The following GPC6 variants were observed in gnomAD, a reference collection of about 807,000 sequenced individuals.
The protein encoded by GPC6 is glypican 6, also known as glypican-6.
In GPC6, 14 loss-of-function variants were observed where a neutral mutation model predicts 55.2. The observed-to-expected ratio is 0.25, with a 90% CI of 0.17 to 0.40. The LOEUF (loss-of-function observed/expected upper bound fraction) is 0.40. GPC6 is among the 10% of genes least tolerant of loss of function. The pLI, the probability that GPC6 is intolerant of heterozygous loss-of-function variation, is 1.00. For synonymous variants in GPC6, 278 were observed against 259.6 expected, an observed-to-expected ratio of 1.07 and a Z score of -0.68; for missense variants, 641 against 708.5, an observed-to-expected ratio of 0.90 and a Z score of 1.08.
chr13:93,897,625 C>A (rs1034002777), intron 3 of GPC6, among the ~76,000 whole-genome samples: 1 of 152,090 alleles, frequency 6.6e-6, no homozygotes, highest in South Asian at 2.1e-4. Context: ...AAGCATACAT[C>A]CATGTGCCCC....
intron 1 of GPC6, among the ~76,000 whole-genome samples, chr13:93,375,235 A>C (rs962862624): frequency 6.6e-6 from 1 of 152,214 alleles, no homozygotes. Context: ...AAGACCAAAC[A>C]AAACAATGGC....
intron 6 of GPC6, among the ~76,000 whole-genome samples, chr13:94,322,174 A>AGTCT (rs1876863316): frequency 2.0e-5 from 3 of 152,160 alleles, no homozygotes; most frequent in Non-Finnish European, 4.4e-5. Context: ...AAGTCTCATG[A>AGTCT]GATCTGATGG....
intron 4 of GPC6, among the ~76,000 whole-genome samples, chr13:94,042,887 A>G (rs1883591230): frequency 6.6e-6 from 1 of 151,812 alleles, no homozygotes; most frequent in Non-Finnish European, 1.5e-5. Context: ...TTCCCCCGAA[A>G]AAGTGGATCT....
At chr13:93,463,588 A>C (rs1242401369) in intron 1 of GPC6, among the ~76,000 whole-genome samples, 1 of 152,132 alleles carries the variant, frequency 6.6e-6, no homozygotes, top group Non-Finnish European at 1.5e-5. Context: ...TAGGTATCTC[A>C]TTAGTAATTT....
intron 4 of GPC6, among the ~76,000 whole-genome samples, chr13:94,192,518 T>G (rs530905722): frequency 6.6e-6 from 1 of 152,238 alleles, no homozygotes; most frequent in Admixed American, 6.5e-5. Context: ...ATATGCCAGA[T>G]CTCCCCTAAA....
chr13:94,234,386 C>G lies in GPC6; in HGVS notation c.878-51963C>G, dbSNP rs148428580. On this transcript the variant is annotated intron_variant, in intron 4 of 8. Transcript: ENST00000377047. ...CACAAAATTCTCATGGAATCAGACA[C>G]CAGACCACCTCATGATCACTGGAAG... Among the ~76,000 whole-genome samples the G allele has an allele frequency of 2.0e-5, 3 of 152,134 alleles. No homozygotes were observed. In the East Asian group the frequency reaches 5.8e-4, roughly 29 times the overall value.
At chr13:93,590,811 G>C (rs1469242709) in intron 2 of GPC6, among the ~76,000 whole-genome samples, 1 of 152,004 alleles carries the variant, frequency 6.6e-6, no homozygotes, top group African/African-American at 2.4e-5. Flanking sequence ...CAATTCTTCA[G>C]AATTGTATCA....
intron 3 of GPC6, among the ~76,000 whole-genome samples, chr13:94,003,060 T>C (rs1300655228): frequency 6.6e-6 from 1 of 152,216 alleles, no homozygotes; most frequent in Non-Finnish European, 1.5e-5. Context: ...AATTCGCATC[T>C]AGCTGTGAAT....
Position 94,166,182 on chromosome 13 carries a change from G to A in GPC6, c.878-120167G>A, listed in dbSNP as rs80077925. Among the ~76,000 whole-genome samples, 998 of 152,176 alleles carry A rather than the reference G, an allele frequency of 6.6e-3. 8 individuals carry two copies. The highest frequency in any genetic ancestry group is 0.023 in the African/African-American group (948 of 41,514). ...CCCTTGGTTATCGTCATCCCATGTC[G>A]AACTTTGTGATTTCACACTTCATAA... On this transcript the variant is annotated intron_variant, in intron 4 of 8. Transcript: ENST00000377047.
intron 6 of GPC6, among the ~76,000 whole-genome samples, chr13:94,317,387 C>T (rs1323017178): frequency 6.6e-6 from 1 of 152,120 alleles, no homozygotes; most frequent in Non-Finnish European, 1.5e-5. Context: ...TTTGCAGCTC[C>T]TTGAATGCTA....
chr13:93,364,696 T>TATATAC (rs1555294091), intron 1 of GPC6, among the ~76,000 whole-genome samples: 2 of 145,816 alleles, frequency 1.4e-5, no homozygotes, highest in Non-Finnish European at 3.0e-5. Flanking sequence ...TATATATATA[T>TATATAC]ACACACACAC....
chr13:93,895,222 A>C, intron 3 of GPC6, among the ~76,000 whole-genome samples: 1 of 53,594 alleles, frequency 1.9e-5, no homozygotes, highest in South Asian at 7.4e-4. Context: ...GTGTGTATGT[A>C]TGTGTGTGTG....
chr13:94,052,407 A>G (rs1594697504), intron 4 of GPC6, among the ~76,000 whole-genome samples: 1 of 152,150 alleles, frequency 6.6e-6, no homozygotes, highest in Non-Finnish European at 1.5e-5. Flanking sequence ...GAAAATGCCT[A>G]ACGGTATCAT....
At chr13:93,342,209 AG>A (rs1464385703) in intron 1 of GPC6, among the ~76,000 whole-genome samples, 1 of 152,174 alleles carries the variant, frequency 6.6e-6, no homozygotes, top group African/African-American at 2.4e-5. Flanking sequence ...TTAGGGACAC[AG>A]GGTTAAACTG....
At chr13:93,338,591 C>T (rs1018759254) in intron 1 of GPC6, among the ~76,000 whole-genome samples, 1 of 152,110 alleles carries the variant, frequency 6.6e-6, no homozygotes, top group African/African-American at 2.4e-5. Context: ...AGAAAGTAGG[C>T]TGAGAAGAAA....
chr13:94,126,532 T>G (rs1309647787), intron 4 of GPC6, among the ~76,000 whole-genome samples: 1 of 152,180 alleles, frequency 6.6e-6, no homozygotes. Context: ...GAACTGCCAA[T>G]TTGTTTTCAA....
At chr13:94,139,344 G>A (rs1887292354) in intron 4 of GPC6, among the ~76,000 whole-genome samples, 1 of 152,084 alleles carries the variant, frequency 6.6e-6, no homozygotes, top group Admixed American at 6.6e-5. Context: ...GTTCAGAAAG[G>A]AACTACAAAG....
intron 3 of GPC6, among the ~76,000 whole-genome samples, chr13:93,944,397 G>A (rs1566615805): frequency 6.6e-6 from 1 of 151,878 alleles, no homozygotes; most frequent in African/African-American, 2.4e-5. Flanking sequence ...GTAGAGACGG[G>A]GTTTCACTGT....
chr13:93,937,562 A>C (rs1878498713), intron 3 of GPC6, among the ~76,000 whole-genome samples: 1 of 152,096 alleles, frequency 6.6e-6, no homozygotes, highest in African/African-American at 2.4e-5. Context: ...ATCTTTGTAT[A>C]ATATAATATT....
Sources: gnomAD v4.1 joint callset for allele counts (sites outside exome capture counted in the v4.1 genomes callset) on GRCh38, gnomAD v4.1.1 for gene constraint, MANE v1.5 for transcripts, NCBI Gene and HGNC (gene_info 2026-07-23, HGNC 2026-07-21) for gene names.